Variants in CSDC2 observed in about 807,000 individuals in gnomAD.
The protein encoded by CSDC2 is cold shock domain-containing protein C2.
A neutral mutation model predicts 15.8 loss-of-function variants in CSDC2; 8 were observed. The ratio of observed to expected loss-of-function variants is 0.51; its 90% CI spans 0.30 to 0.92. The LOEUF is 0.92. Ranked by LOEUF, CSDC2 falls within the 40% of genes least tolerant of loss-of-function variation. The probability of loss-of-function intolerance (pLI) is 0.07; values close to 1 mark genes in which losing one functional copy is unlikely to be tolerated. For synonymous variants in CSDC2, 96 were observed against 92.3 expected, an observed-to-expected ratio of 1.04 and a Z score of -0.23; for missense variants, 195 against 213.3, an observed-to-expected ratio of 0.91 and a Z score of 0.53.
Position 41,574,873 on chromosome 22 carries a change from C to T in CSDC2, c.440C>T (p.Ser147Phe). The T allele has an allele frequency of 6.2e-7, 1 of 1,601,998 alleles. No homozygotes were observed. The highest frequency in any genetic ancestry group is 8.5e-7 in the Non-Finnish European group (1 of 1,174,622). ...CCCCACACTCCCCACGAGACGTGGT[C>T]TGGCCAGGTCGTGGGCTCCTAGGCT... ...LAPHTPHETW[S>F]GQVVGS The change falls in exon 4 of 4, where the codon TCT (serine) becomes TTT (phenylalanine). Residue 147 changes from serine to phenylalanine, a missense_variant. Ser to Phe is a radical substitution (Grantham distance 155). Coordinates refer to ENST00000306149, the MANE Select transcript of CSDC2 (RefSeq NM_014460.4).
chr22:41,571,993 G>C lies in CSDC2; in HGVS notation c.28G>C (p.Val10Leu). Residue 10 changes from valine (V) to leucine (L), a missense_variant, in exon 2 of 4, where the codon GTT becomes CTT. By Grantham distance (32) the Val-to-Leu change is conservative (BLOSUM62 1). Transcript: ENST00000306149. The part of the protein sequence containing the change: MTSESTSPP[V>L]VPPLHSPKSP... ...GACTTCAGAGTCGACGTCACCCCCA[G>C]TTGTGCCCCCGCTCCACTCCCCCAA... 1 of 1,362,124 alleles carries C rather than the reference G, an allele frequency of 7.3e-7. No homozygotes were observed. The highest frequency in any genetic ancestry group is 9.5e-7 in the Non-Finnish European group (1 of 1,055,686). The allele number at this position is 1,362,124 out of a possible 1,614,324, so 84.4% of individuals were successfully genotyped here.
intron 1 of CSDC2, among the ~76,000 whole-genome samples, chr22:41,563,853 C>T (rs1309971127): frequency 6.6e-6 from 1 of 151,198 alleles, no homozygotes; most frequent in Non-Finnish European, 1.5e-5. Context: ...GGGCGGATCA[C>T]GAGGTCGGGA....
intron 1 of CSDC2, among the ~76,000 whole-genome samples, chr22:41,571,396 CAGA>C (rs547670733): frequency 5.1e-4 from 77 of 152,236 alleles, no homozygotes; most frequent in African/African-American, 1.7e-3. Context: ...GCTATGTAGC[CAGA>C]AGGTGGAGGA....
At chr22:41,562,496 C>T (rs1365868163) in intron 1 of CSDC2, among the ~76,000 whole-genome samples, 1 of 151,784 alleles carries the variant, frequency 6.6e-6, no homozygotes, top group African/African-American at 2.4e-5. Flanking sequence ...AGATGGCTCT[C>T]CCAGGCTTGG....
In CSDC2 at chr22:41,572,148, A is replaced by G; in HGVS notation, c.176+7A>G. The G allele has an allele frequency of 7.7e-7, 1 of 1,305,280 alleles. No homozygotes were observed. The highest frequency in any genetic ancestry group is 9.8e-7 in the Non-Finnish European group (1 of 1,020,092). 80.9% of individuals were successfully genotyped at this position (1,305,280 alleles called of 1,614,324 possible). ...GGACCAGGACCTATTCAGCGTGAGTACCTGCCCCTTGCCCAGGCCCCTGAC... is the reference window on the plus strand; with the variant it reads ...GGACCAGGACCTATTCAGCGTGAGTGCCTGCCCCTTGCCCAGGCCCCTGAC... On this transcript the variant is annotated splice_region_variant and intron_variant, in intron 2 of 3. Transcript: ENST00000306149.
At position 41,571,914 on chromosome 22, in the gene CSDC2, C is replaced by T; in HGVS notation, c.-52C>T. 1 of 1,237,978 alleles carries T rather than the reference C, an allele frequency of 8.1e-7. No individual in the cohort carries two copies. 76.7% of individuals were successfully genotyped at this position (1,237,978 alleles called of 1,614,324 possible). ...CCTGCCCGCAAGGACGACCAAACCC[C>T]TCACCGGCCCCTGGGCCCCAGAGCC... is the stretch of plus-strand genomic sequence containing the variant. On this transcript the variant is annotated 5_prime_UTR_variant, in exon 2 of 4. Transcript: ENST00000306149.
Position 41,571,987 on chromosome 22 carries a change from C to T in CSDC2, c.22C>T (p.Pro8Ser). ...CACCATGACTTCAGAGTCGACGTCACCCCCAGTTGTGCCCCCGCTCCACTC... is the reference window on the plus strand; with the variant it reads ...CACCATGACTTCAGAGTCGACGTCATCCCCAGTTGTGCCCCCGCTCCACTC... Reference protein sequence around the residue: MTSESTSPPVVPPLHSPK... With the variant: MTSESTSSPVVPPLHSPK... The change falls in exon 2 of 4, where the codon CCC becomes TCC. Residue 8 changes from proline (P) to serine (S), a missense_variant. Physicochemically the swap from Pro to Ser is moderately conservative, Grantham distance 74. Transcript: ENST00000306149. 1.5e-6 allele frequency: 2 copies of T among 1,360,500 alleles called. No homozygotes were observed. Among genetic ancestry groups the T allele is most frequent in the Non-Finnish European group, 1.9e-6 (2 of 1,054,790 alleles). The allele number at this position is 1,360,500 out of a possible 1,614,324, so 84.3% of individuals were successfully genotyped here. A position where few individuals can be genotyped will look rare whatever the true frequency, so the allele number is the denominator to read the frequency against.
rs939293411 is a variant in CSDC2, at chr22:41,571,919, C to G, written c.-47C>G. The G allele has an allele frequency of 8.0e-7, 1 of 1,251,218 alleles. No individual in the cohort carries two copies. The highest frequency in any genetic ancestry group is 1.0e-6 in the Non-Finnish European group (1 of 973,176). The allele number at this position is 1,251,218 out of a possible 1,614,324, so 77.5% of individuals were successfully genotyped here. A position where few individuals can be genotyped will look rare whatever the true frequency, so the allele number is the denominator to read the frequency against. ...CCGCAAGGACGACCAAACCCCTCACCGGCCCCTGGGCCCCAGAGCCCACCA... is the reference window on the plus strand; with the variant it reads ...CCGCAAGGACGACCAAACCCCTCACGGGCCCCTGGGCCCCAGAGCCCACCA... On this transcript the variant is annotated 5_prime_UTR_variant, in exon 2 of 4. Transcript: ENST00000306149.
At chr22:41,562,406 C>A (rs1433837408) in intron 1 of CSDC2, among the ~76,000 whole-genome samples, 27 of 131,986 alleles carry the variant, frequency 2.0e-4, no homozygotes, top group South Asian at 2.6e-4. Context: ...TCACCCCCTT[C>A]AAAAAAAAAA....
At chr22:41,571,769 T>A in intron 1 of CSDC2, 74 bp from the exon 2 acceptor site, 3 of 381,508 alleles carry the variant, frequency 7.9e-6, no homozygotes, top group Non-Finnish European at 9.3e-6. Flanking sequence ...GGACCAGCCC[T>A]CCTCACTGTG....
intron 1 of CSDC2, among the ~76,000 whole-genome samples, chr22:41,563,124 C>T (rs1171510338): frequency 1.3e-5 from 2 of 152,156 alleles, no homozygotes; most frequent in Non-Finnish European, 2.9e-5. Flanking sequence ...ACTACAGGGT[C>T]TCTTAAATAA....
Position 41,576,116 on chromosome 22 carries a change from G to A in CSDC2, c.*1221G>A, listed in dbSNP as rs1182147702. The A allele has an allele frequency of 6.6e-6, 1 of 152,364 alleles. No individual in the cohort carries two copies. Among genetic ancestry groups the A allele is most frequent in the Non-Finnish European group, 1.5e-5 (1 of 68,136 alleles). The allele number at this position is 152,364 out of a possible 1,614,324, so 9.4% of individuals were successfully genotyped here. A position where few individuals can be genotyped will look rare whatever the true frequency, so the allele number is the denominator to read the frequency against. On this transcript the variant is annotated 3_prime_UTR_variant, in exon 4 of 4. Coordinates refer to ENST00000306149, the MANE Select transcript of CSDC2 (RefSeq NM_014460.4). ...CCGGGGAGAAGTGGGGCCGTGGTTC[G>A]AGGGAGGGCTGGCCAGGGGTGGGAC...
At chr22:41,570,445 T>C (rs2145599713) in intron 1 of CSDC2, among the ~76,000 whole-genome samples, 1 of 152,290 alleles carries the variant, frequency 6.6e-6, no homozygotes, top group Non-Finnish European at 1.5e-5. Flanking sequence ...ATGCAGGGTG[T>C]TCAGGCTTTC....
intron 3 of CSDC2, among the ~76,000 whole-genome samples, 157 bp downstream of exon 3, chr22:41,573,934 G>A (rs954557824): frequency 2.0e-5 from 3 of 152,238 alleles, no homozygotes; most frequent in African/African-American, 7.2e-5. Context: ...CGTTGGGAGA[G>A]GAGGGCTGGG....
chr22:41,564,056 C>A (rs2145595421), intron 1 of CSDC2, among the ~76,000 whole-genome samples: 1 of 145,814 alleles, frequency 6.9e-6, no homozygotes, highest in Admixed American at 7.0e-5. Context: ...TGCACTCCAG[C>A]CTGGGCGACA....
rs1340960602 is a variant in CSDC2 at position 41,575,883 on chromosome 22, A to C, written c.*988A>C. 2.0e-5 allele frequency: 3 copies of C among 152,338 alleles called. No individual in the cohort carries two copies. Among genetic ancestry groups the C allele is most frequent in the Non-Finnish European group, 4.4e-5 (3 of 68,150 alleles). 9.4% of individuals were successfully genotyped at this position (152,338 alleles called of 1,614,324 possible). On this transcript the variant is annotated 3_prime_UTR_variant, in exon 4 of 4. Coordinates refer to ENST00000306149, the MANE Select transcript of CSDC2 (RefSeq NM_014460.4). Reference sequence around the variant, plus strand: ...GTGGCCGAGGTGTGGCTCTTATTGCATCCATCCCTGAAGATGTGTGGCTGT... The same window carrying C: ...GTGGCCGAGGTGTGGCTCTTATTGCCTCCATCCCTGAAGATGTGTGGCTGT...
chr22:41,561,444 G>C (rs2145593640), intron 1 of CSDC2, among the ~76,000 whole-genome samples: 1 of 152,334 alleles, frequency 6.6e-6, no homozygotes, highest in African/African-American at 2.4e-5. Flanking sequence ...ACCTGCGTCT[G>C]GCTCAGGAGG....
chr22:41,561,846 G>T (rs1330649060), intron 1 of CSDC2, among the ~76,000 whole-genome samples: 3 of 152,212 alleles, frequency 2.0e-5, no homozygotes, highest in African/African-American at 7.2e-5. Context: ...GGAGGGCAGG[G>T]GTGATAAGTC....
intron 3 of CSDC2, 72 bp from the exon 4 acceptor site, chr22:41,574,661 A>G (rs2067165844): frequency 6.4e-7 from 1 of 1,553,976 alleles, no homozygotes; most frequent in South Asian, 1.2e-5. Flanking sequence ...GGCTGCCCCC[A>G]AGGCCAGGCC....
Sources: allele counts gnomAD v4.1 joint callset (sites outside exome capture counted in the v4.1 genomes callset), GRCh38; gene constraint gnomAD v4.1.1; transcripts MANE v1.5; gene names NCBI Gene and HGNC (gene_info 2026-07-23, HGNC 2026-07-21).